Variants in CALN1 observed in about 807,000 individuals in gnomAD.
CALN1 encodes the protein calcium-binding protein 8.
A neutral mutation model predicts 30.6 loss-of-function variants in CALN1; 17 were observed. That is an observed-to-expected ratio of 0.56 (90% CI 0.38 to 0.83). CALN1 has a LOEUF of 0.83. Among genes scored for constraint, CALN1 ranks in the 40% least tolerant of loss-of-function variants. The probability of loss-of-function intolerance (pLI) is 0.00; values close to 1 mark genes in which losing one functional copy is unlikely to be tolerated. For synonymous variants in CALN1, 156 were observed against 131.4 expected (o/e 1.19, Z -1.28); for missense variants, 291 against 354.9 (o/e 0.82, Z 1.45).
chr7:72,068,319 G>T (rs1174432852), intron 4 of CALN1, among the ~76,000 whole-genome samples: 2 of 152,094 alleles, frequency 1.3e-5, no homozygotes, highest in Non-Finnish European at 2.9e-5. Flanking sequence ...ATACGAGAAG[G>T]TTCTAATATT....
intron 4 of CALN1, among the ~76,000 whole-genome samples, chr7:72,025,365 C>G (rs749554120): frequency 1.3e-5 from 2 of 152,166 alleles, no homozygotes; most frequent in Non-Finnish European, 2.9e-5. Context: ...ATCCCAGTCA[C>G]TGATTTGCAT....
intron 5 of CALN1, among the ~76,000 whole-genome samples, chr7:71,895,221 T>G (rs1793469654): frequency 1.3e-5 from 2 of 152,184 alleles, no homozygotes; most frequent in South Asian, 4.1e-4. Flanking sequence ...TCCCAAAATG[T>G]TGGGATTACA....
intron 6 of CALN1, among the ~76,000 whole-genome samples, chr7:71,800,038 G>A (rs1787211766): frequency 6.6e-6 from 1 of 152,150 alleles, no homozygotes; most frequent in Non-Finnish European, 1.5e-5. Flanking sequence ...TTATTTAGAT[G>A]GGCATGAGAG....
intron 3 of CALN1, among the ~76,000 whole-genome samples, chr7:72,239,457 C>T (rs1172106333): frequency 6.6e-6 from 1 of 152,146 alleles, no homozygotes; most frequent in Non-Finnish European, 1.5e-5. Context: ...GCTGTCTTAG[C>T]TTCTAAACCC....
intron 3 of CALN1, among the ~76,000 whole-genome samples, chr7:72,196,726 TAA>T (rs1360373398): frequency 6.6e-6 from 1 of 152,220 alleles, no homozygotes; most frequent in African/African-American, 2.4e-5. Flanking sequence ...TCACATATAT[TAA>T]GTTCTTTTTA....
chr7:72,384,408 AAAG>A (rs1171776057), intron 2 of CALN1, among the ~76,000 whole-genome samples: 6 of 152,246 alleles, frequency 3.9e-5, no homozygotes, highest in Non-Finnish European at 7.3e-5. Context: ...TTAAAAAGGT[AAAG>A]AAGAGAGGAA....
intron 6 of CALN1, among the ~76,000 whole-genome samples, chr7:71,801,472 C>CTATCTATT (rs1554340287): frequency 1.3e-5 from 2 of 151,282 alleles, no homozygotes; most frequent in African/African-American, 4.9e-5. Context: ...ATCTATCTAT[C>CTATCTATT]GAGACAGGGT....
chr7:72,150,568 T>C (rs1282420613), intron 3 of CALN1, among the ~76,000 whole-genome samples: 1 of 152,118 alleles, frequency 6.6e-6, no homozygotes, highest in Non-Finnish European at 1.5e-5. Context: ...CCATGTGGAA[T>C]GGAGTGGCAG....
upstream of CALN1, among the ~76,000 whole-genome samples, chr7:72,451,244 A>AGAGGAGGAAGAGGAGGAG (rs2129564720): frequency 9.4e-6 from 1 of 106,174 alleles, no homozygotes; most frequent in East Asian, 2.5e-4. Flanking sequence ...AGAAGGAGGA[A>AGAGGAGGAAGAGGAGGAG]GAGGAGGAAG....
chr7:72,283,524 G>A (rs1283000245), intron 2 of CALN1, among the ~76,000 whole-genome samples: 1 of 77,122 alleles, frequency 1.3e-5, no homozygotes, highest in Non-Finnish European at 2.5e-5. Flanking sequence ...GACAGAGCAA[G>A]ACTCTTGACT....
chr7:72,174,959 G>A (rs1398454097), intron 3 of CALN1, among the ~76,000 whole-genome samples: 1 of 139,508 alleles, frequency 7.2e-6, no homozygotes, highest in Non-Finnish European at 1.5e-5. Context: ...GTCTCGCTCT[G>A]TCTTTGGTCT....
chr7:72,200,538 G>C (rs1007749000), intron 3 of CALN1, among the ~76,000 whole-genome samples: 4 of 152,140 alleles, frequency 2.6e-5, no homozygotes, highest in South Asian at 2.1e-4. Flanking sequence ...CTGAGACTTA[G>C]AGTAGCTCCA....
chr7:72,384,978 G>A lies in CALN1; in HGVS notation c.119+18273C>T, dbSNP rs141664230. Among the ~76,000 whole-genome samples the A allele has an allele frequency of 2.1e-3, 313 of 152,194 alleles. 1 individual carries two copies. The highest frequency in any genetic ancestry group is 6.7e-3 in the African/African-American group (279 of 41,532). ...AAATGAAAAAAACAAAGAATCTCAT[G>A]GGAAAAGTGGTCAAAAAATTTGAAC... is the stretch of plus-strand genomic sequence containing the variant. On this transcript the variant is annotated intron_variant, in intron 2 of 6. Coordinates refer to ENST00000395275, the MANE Select transcript of CALN1 (RefSeq NM_031468.4).
intron 5 of CALN1, among the ~76,000 whole-genome samples, chr7:71,878,288 G>A (rs535944145): frequency 4.6e-5 from 7 of 152,140 alleles, no homozygotes; most frequent in Admixed American, 1.3e-4. Flanking sequence ...TGTAATCCCA[G>A]CTACTTGGGA....
intron 3 of CALN1, among the ~76,000 whole-genome samples, chr7:72,190,261 G>T (rs373753178): frequency 6.6e-6 from 1 of 152,122 alleles, no homozygotes; most frequent in African/African-American, 2.4e-5. Flanking sequence ...CAGGAGAATC[G>T]CCTGAACCCA....
chr7:72,009,364 C>G (rs139263013), intron 5 of CALN1, among the ~76,000 whole-genome samples: 76 of 152,228 alleles, frequency 5.0e-4, no homozygotes, highest in African/African-American at 1.8e-3. Flanking sequence ...ACTTACACTA[C>G]AAATTCAAAT....
intron 4 of CALN1, among the ~76,000 whole-genome samples, chr7:72,094,495 C>G (rs1806084676): frequency 6.6e-6 from 1 of 152,174 alleles, no homozygotes; most frequent in Non-Finnish European, 1.5e-5. Flanking sequence ...CTCAGGTGAT[C>G]TGCCTGCCTC....
chr7:72,340,704 G>A (rs1802338023), intron 2 of CALN1, among the ~76,000 whole-genome samples: 1 of 152,292 alleles, frequency 6.6e-6, no homozygotes, highest in South Asian at 2.1e-4. Context: ...TGGTTTGGCT[G>A]TGTCCCCTCC....
chr7:72,320,493 A>G (rs1402097876), intron 2 of CALN1, among the ~76,000 whole-genome samples: 2 of 152,300 alleles, frequency 1.3e-5, no homozygotes, highest in Non-Finnish European at 2.9e-5. Flanking sequence ...CTAGGATGAC[A>G]TAAGCAAAGA....
Sources: allele counts gnomAD v4.1 joint callset (sites outside exome capture counted in the v4.1 genomes callset), GRCh38; gene constraint gnomAD v4.1.1; transcripts MANE v1.5; gene names NCBI Gene and HGNC (gene_info 2026-07-23, HGNC 2026-07-21).